ADAMTSL3: variants seen among roughly 807,000 people sequenced by gnomAD.
ADAMTSL3 encodes ADAMTS like 3, also known as ADAMTS-like protein 3.
Under a neutral mutation model 201.7 loss-of-function variants are expected in ADAMTSL3, and 128 were observed. That is an observed-to-expected ratio of 0.63 (90% confidence interval 0.55 to 0.73). The LOEUF is 0.73. ADAMTSL3 is among the 30% of genes least tolerant of loss of function. ADAMTSL3 has a pLI of 0.00. For missense variants in ADAMTSL3, 1,990 were observed against 2,119.6 expected (o/e 0.94, Z 1.20); for synonymous variants, 738 against 748.4 (o/e 0.99, Z 0.23).
At chr15:83,860,831 G>A (rs2064839714) in intron 8 of ADAMTSL3, among the ~76,000 whole-genome samples, 2 of 152,142 alleles carry the variant, frequency 1.3e-5, no homozygotes, top group African/African-American at 4.8e-5. Context: ...AGGACAGTAG[G>A]TGCAGCACAC....
intron 10 of ADAMTSL3, among the ~76,000 whole-genome samples, chr15:83,889,477 G>T (rs2065462009): frequency 6.6e-6 from 1 of 152,144 alleles, no homozygotes; most frequent in African/African-American, 2.4e-5. Context: ...AACGGAACAA[G>T]ATTTAAAACA....
At chr15:84,002,785 T>C (rs958813024) in intron 23 of ADAMTSL3, among the ~76,000 whole-genome samples, 1 of 152,200 alleles carries the variant, frequency 6.6e-6, no homozygotes, top group African/African-American at 2.4e-5. Flanking sequence ...CTTGTTCTGA[T>C]ACTAATGTTT....
At chr15:83,729,396 C>T (rs2062230325) in intron 3 of ADAMTSL3, among the ~76,000 whole-genome samples, 1 of 151,808 alleles carries the variant, frequency 6.6e-6, no homozygotes, top group Non-Finnish European at 1.5e-5. Context: ...CTTAGATGTC[C>T]CCTGTTGAGG....
At chr15:83,917,664 T>G (rs2066062315) in intron 16 of ADAMTSL3, among the ~76,000 whole-genome samples, 2 of 152,178 alleles carry the variant, frequency 1.3e-5, no homozygotes, top group Admixed American at 1.3e-4. Flanking sequence ...TATGACCTCA[T>G]TTTTTTACCT....
At chr15:83,988,657 A>G in intron 21 of ADAMTSL3, 34 bp from the exon 22 acceptor site, 3 of 1,532,224 alleles carry the variant, frequency 2.0e-6, no homozygotes, top group Non-Finnish European at 2.7e-6. Flanking sequence ...TTAAATTGTT[A>G]TATGAATGTG....
chr15:84,037,085 C>A, intron 29 of ADAMTSL3, 98 bp downstream of exon 29: 1 of 1,270,410 alleles, frequency 7.9e-7, no homozygotes, highest in Non-Finnish European at 1.1e-6. Flanking sequence ...TAGTGATTAC[C>A]TCATCAGTGT....
chr15:83,932,209 A>G (rs2066371133), intron 17 of ADAMTSL3, among the ~76,000 whole-genome samples: 1 of 152,226 alleles, frequency 6.6e-6, no homozygotes. Context: ...GTGACTGTAT[A>G]CATCAGTTTC....
intron 13 of ADAMTSL3, among the ~76,000 whole-genome samples, chr15:83,895,637 C>T (rs915681798): frequency 1.2e-4 from 19 of 152,038 alleles, no homozygotes; most frequent in Non-Finnish European, 2.5e-4. Context: ...GGGAAGTGTC[C>T]GGCTTCCCAG....
chr15:83,969,900 TAAACA>T (rs1166438339), intron 19 of ADAMTSL3, among the ~76,000 whole-genome samples: 3 of 152,140 alleles, frequency 2.0e-5, no homozygotes, highest in Admixed American at 6.5e-5. Context: ...TAGTCATAAA[TAAACA>T]AAACAAAACA....
At chr15:83,761,529 C>T (rs1855495561) in intron 3 of ADAMTSL3, among the ~76,000 whole-genome samples, 1 of 151,988 alleles carries the variant, frequency 6.6e-6, no homozygotes, top group East Asian at 1.9e-4. Context: ...CTTTAATTTC[C>T]TGGAGGACAT....
chr15:84,010,388 C>T (rs566647657), intron 23 of ADAMTSL3, among the ~76,000 whole-genome samples: 4 of 152,122 alleles, frequency 2.6e-5, no homozygotes, highest in Non-Finnish European at 4.4e-5. Context: ...ATCTTTGCTG[C>T]TTGGAAGAGA....
rs1368022719 is a variant in ADAMTSL3 at position 83,982,686 on chromosome 15, C to T, written c.3058C>T (p.His1020Tyr). The T allele has an allele frequency of 6.2e-7, 1 of 1,613,992 alleles. No individual in the cohort carries two copies. The highest frequency in any genetic ancestry group is 2.2e-5 in the East Asian group (1 of 44,882). The change falls in exon 21 of 30, where the codon CAC becomes TAC. Residue 1020 changes from histidine to tyrosine, a missense_variant. Transcript: ENST00000286744. ...EPMREYPGMD[H>Y]SEANSLGVTW... ...TATGAGGGAATATCCTGGGATGGAC[C>T]ACAGCGAAGCCAATAGTTTGGGAGT...
chr15:83,987,509 A>G (rs1433178427), intron 21 of ADAMTSL3, among the ~76,000 whole-genome samples: 1 of 152,236 alleles, frequency 6.6e-6, no homozygotes, highest in African/African-American at 2.4e-5. Context: ...CATCAAATAA[A>G]TATATGAACC....
intron 2 of ADAMTSL3, among the ~76,000 whole-genome samples, chr15:83,688,753 T>TACACACACACAC (rs371646287): frequency 0.011 from 1,623 of 147,618 alleles, 26 homozygotes; most frequent in African/African-American, 0.036. Flanking sequence ...CATGCATATA[T>TACACACACACAC]ATACACACAC....
At chr15:83,733,279 A>G (rs2062312164) in intron 3 of ADAMTSL3, among the ~76,000 whole-genome samples, 1 of 152,224 alleles carries the variant, frequency 6.6e-6, no homozygotes, top group Non-Finnish European at 1.5e-5. Context: ...GCCAGAGCCC[A>G]GCAGGGGAAA....
At chr15:83,933,975 T>C (rs190604376) in intron 17 of ADAMTSL3, among the ~76,000 whole-genome samples, 1 of 152,324 alleles carries the variant, frequency 6.6e-6, no homozygotes, top group Admixed American at 6.5e-5. Flanking sequence ...GGAGCCTTCA[T>C]GGAGAACCTC....
At chr15:83,959,149 G>A (rs369777722) in intron 19 of ADAMTSL3, among the ~76,000 whole-genome samples, 1 of 152,148 alleles carries the variant, frequency 6.6e-6, no homozygotes, top group Non-Finnish European at 1.5e-5. Flanking sequence ...TACTCAGCTG[G>A]GTGCAGTGGC....
At chr15:84,019,865 C>A (rs549675100) in intron 25 of ADAMTSL3, among the ~76,000 whole-genome samples, 1 of 148,062 alleles carries the variant, frequency 6.8e-6, no homozygotes, top group Non-Finnish European at 1.5e-5. Flanking sequence ...CACACTCCAG[C>A]CTGGGTGACA....
At chr15:83,676,088 T>C (rs1270996378) in intron 2 of ADAMTSL3, among the ~76,000 whole-genome samples, 1 of 152,152 alleles carries the variant, frequency 6.6e-6, no homozygotes, top group Non-Finnish European at 1.5e-5. Context: ...TTTTTCTGTT[T>C]TCTATTTCAG....
Sources: allele counts gnomAD v4.1 joint callset (sites outside exome capture counted in the v4.1 genomes callset), GRCh38; gene constraint gnomAD v4.1.1; transcripts MANE v1.5; gene names NCBI Gene and HGNC (gene_info 2026-07-23, HGNC 2026-07-21).